Variants in WDPCP observed in about 807,000 individuals in gnomAD.
The protein encoded by WDPCP is WD repeat-containing and planar cell polarity effector protein fritz homolog.
A neutral mutation model predicts 93.1 loss-of-function variants in WDPCP; 71 were observed. That is an observed-to-expected ratio of 0.76 (90% CI 0.63 to 0.93). The LOEUF (loss-of-function observed/expected upper bound fraction) is 0.93. WDPCP is among the 40% of genes least tolerant of loss of function. The pLI is 0.00. For synonymous variants in WDPCP, 315 were observed against 315.0 expected, an observed-to-expected ratio of 1.00 and a Z score of 0.00; for missense variants, 844 against 887.4, an observed-to-expected ratio of 0.95 and a Z score of 0.62.
At chr2:63,185,900 G>A (rs1241442601) in intron 14 of WDPCP, among the ~76,000 whole-genome samples, 5 of 151,922 alleles carry the variant, frequency 3.3e-5, no homozygotes, top group Non-Finnish European at 7.4e-5. Flanking sequence ...CTGCACTTTC[G>A]CTGCTCCCAC....
Position 63,484,950 on chromosome 2 carries a change from T to C in WDPCP, c.291A>G (p.Pro97=). The change falls in exon 5 of 18, where the codon CCA becomes CCG. Residue 97 remains proline, a synonymous_variant. Transcript: ENST00000272321. ...CTTTGAGCGAGTCTCGGAGTTTTTC[T>C]GGGCGTCTGTTTTTGAGCGTCCAAG... The part of the protein sequence containing the change: ...DYPWTLKNRR[P]EKLRDSLKEL... 4 of 1,612,696 alleles carry C rather than the reference T, an allele frequency of 2.5e-6. No individual in the cohort carries two copies. The highest frequency in any genetic ancestry group is 3.4e-6 in the Non-Finnish European group (4 of 1,179,084).
rs1369905576 is a variant in WDPCP at position 63,185,361 on chromosome 2, T to C, written c.1916-10529A>G. The stretch of plus-strand genomic sequence containing the variant: ...ATTTGGAGAAATAGTCACTTCTTAT[T>C]ATTGAATTTACTTGGGTTTGGACAG... On this transcript the variant is annotated intron_variant, in intron 14 of 17. Transcript: ENST00000272321. 2.0e-5 allele frequency among the ~76,000 whole-genome samples: 3 copies of C among 152,170 alleles called. No homozygotes were observed. The East Asian group carries it at 5.8e-4, about 29-fold the overall frequency.
chr2:63,381,132 T>C (rs1011223509), intron 11 of WDPCP, among the ~76,000 whole-genome samples: 2 of 152,076 alleles, frequency 1.3e-5, no homozygotes, highest in African/African-American at 4.8e-5. Context: ...CACAAAGATA[T>C]GAAAGATGCA....
chr2:63,419,341 C>G (rs771548020), intron 9 of WDPCP, among the ~76,000 whole-genome samples: 1 of 152,112 alleles, frequency 6.6e-6, no homozygotes, highest in Non-Finnish European at 1.5e-5. Context: ...GGGGTTTCAT[C>G]ATCTTGGCCA....
At chr2:63,595,463 G>T (rs1264374502) in intron 3 of WDPCP, 1 of 1,613,616 alleles carries the variant, frequency 6.2e-7, no homozygotes, top group East Asian at 2.2e-5. Context: ...CCCATGATGG[G>T]TGTCCTGGAC....
chr2:63,752,042 C>T, intron 2 of WDPCP: 10 of 624,264 alleles, frequency 1.6e-5, no homozygotes, highest in Non-Finnish European at 3.0e-5. Flanking sequence ...TTTCCAGAAC[C>T]ACTTCAACCT....
chr2:63,353,823 A>T (rs1211672950), intron 12 of WDPCP, among the ~76,000 whole-genome samples: 1 of 152,102 alleles, frequency 6.6e-6, no homozygotes, highest in African/African-American at 2.4e-5. Flanking sequence ...GTACTGGAAA[A>T]TCCGAAGTGA....
chr2:63,210,232 A>G (rs1676664627), intron 14 of WDPCP, among the ~76,000 whole-genome samples: 1 of 152,092 alleles, frequency 6.6e-6, no homozygotes, highest in Non-Finnish European at 1.5e-5. Context: ...GCCTCTGAAG[A>G]GAAGACTGGA....
chr2:63,836,759 C>G, the WDPCP span, among the ~76,000 whole-genome samples: 3 of 152,186 alleles, frequency 2.0e-5, no homozygotes, highest in African/African-American at 7.2e-5. Context: ...CACCAACACT[C>G]TCCTCTGGGG....
intron 2 of WDPCP, among the ~76,000 whole-genome samples, chr2:63,749,079 A>G (rs1166401767): frequency 6.6e-6 from 1 of 152,000 alleles, no homozygotes; most frequent in African/African-American, 2.4e-5. Context: ...GGTCAAGGAT[A>G]TTTTCTTTTT....
intron 6 of WDPCP, among the ~76,000 whole-genome samples, chr2:63,466,394 C>A (rs1558671761): frequency 6.6e-6 from 1 of 151,372 alleles, no homozygotes; most frequent in Non-Finnish European, 1.5e-5. Context: ...GTTACATTGA[C>A]ATATATATAT....
intron 14 of WDPCP, among the ~76,000 whole-genome samples, chr2:63,218,143 G>A (rs1051360913): frequency 6.6e-6 from 1 of 152,060 alleles, no homozygotes; most frequent in Non-Finnish European, 1.5e-5. Flanking sequence ...CTATACATTT[G>A]AATTACTACC....
intron 17 of WDPCP, among the ~76,000 whole-genome samples, chr2:63,137,822 C>T (rs191789519): frequency 2.7e-4 from 41 of 152,156 alleles, no homozygotes; most frequent in African/African-American, 4.8e-4. Context: ...TGCATTTCTC[C>T]GTTGCTTGTT....
chr2:63,393,836 C>G (rs974911385), intron 10 of WDPCP, among the ~76,000 whole-genome samples: 2 of 152,038 alleles, frequency 1.3e-5, no homozygotes, highest in African/African-American at 4.8e-5. Flanking sequence ...ACTTCTTATT[C>G]AGTATATTGT....
At chr2:63,470,083 G>T (rs996163777) in intron 6 of WDPCP, among the ~76,000 whole-genome samples, 4 of 152,076 alleles carry the variant, frequency 2.6e-5, no homozygotes, top group African/African-American at 9.7e-5. Context: ...ACTCCATTCT[G>T]TCTCCTTTCT....
rs571990918 is a variant in WDPCP at position 63,704,111 on chromosome 2, T to C, written n.309-53273A>G. 8.0e-3 allele frequency among the ~76,000 whole-genome samples: 1,215 copies of C among 152,326 alleles called. 11 individuals carry two copies. Among genetic ancestry groups the C allele is most frequent in the South Asian group, 0.026 (127 of 4,834 alleles). On this transcript the variant is annotated intron_variant and non_coding_transcript_variant, in intron 2 of 4. Coordinates refer to the WDPCP transcript ENST00000467687. ...ATTTGGCTCTCTGTTTGTCTGTTAT[T>C]GGTGTATAAGAATGCTTGTGATTTT...
At chr2:63,329,982 A>T (rs1041048227) in intron 12 of WDPCP, among the ~76,000 whole-genome samples, 1 of 152,178 alleles carries the variant, frequency 6.6e-6, no homozygotes. Flanking sequence ...TTCTTTATCC[A>T]TTCAACTTTT....
chr2:63,324,233 C>CATG lies in WDPCP; in HGVS notation c.1749-10925_1749-10923dup, dbSNP rs537882345. Among the ~76,000 whole-genome samples, 27 of 152,274 alleles carry CATG rather than the reference C, an allele frequency of 1.8e-4. No individual in the cohort carries two copies. The East Asian group carries it at 4.6e-3, about 26-fold the overall frequency. On this transcript the variant is annotated intron_variant, in intron 12 of 17. Coordinates refer to ENST00000272321, the MANE Select transcript of WDPCP (RefSeq NM_015910.7). ...AAACTCTTTTCATTGAAGGAGAATA[C>CATG]ATGACTATGCAAAGCTTGCAATTTA...
At chr2:63,761,330 C>T (rs1670051680) in intron 2 of WDPCP, among the ~76,000 whole-genome samples, 1 of 152,158 alleles carries the variant, frequency 6.6e-6, no homozygotes, top group Non-Finnish European at 1.5e-5. Context: ...TGATGTTGGA[C>T]TTCTTAGCCT....
Sources: gnomAD v4.1 joint callset for allele counts (sites outside exome capture counted in the v4.1 genomes callset) on GRCh38, gnomAD v4.1.1 for gene constraint, MANE v1.5 for transcripts, NCBI Gene and HGNC (gene_info 2026-07-23, HGNC 2026-07-21) for gene names.